The following MTFR2 variants were observed in gnomAD, a reference collection of about 807,000 sequenced individuals.
MTFR2 encodes the protein mitochondrial fission regulator 2, also known as DUF729 domain-containing protein 1.
Under a neutral mutation model 41.2 loss-of-function variants are expected in MTFR2, and 44 were observed. That is an observed-to-expected ratio of 1.07 (90% CI 0.84 to 1.37). MTFR2 has a LOEUF of 1.37. MTFR2 is among the 40% of genes most tolerant of loss of function. The pLI is 0.00. For synonymous variants in MTFR2, 141 were observed against 154.6 expected, an observed-to-expected ratio of 0.91 and a Z score of 0.65; for missense variants, 452 against 459.5, an observed-to-expected ratio of 0.98 and a Z score of 0.15.
intron 6 of MTFR2, among the ~76,000 whole-genome samples, chr6:136,233,767 T>C (rs1176912468): frequency 6.6e-6 from 1 of 152,128 alleles, no homozygotes; most frequent in Non-Finnish European, 1.5e-5. Flanking sequence ...ATGCTGAAGA[T>C]CTTTATTATG....
At chr6:136,244,931 G>C in intron 2 of MTFR2, 62 bp from the exon 3 acceptor site, 1 of 1,220,328 alleles carries the variant, frequency 8.2e-7, no homozygotes, top group Non-Finnish European at 1.1e-6. Flanking sequence ...ATATAAGTAT[G>C]AAAAAAGGAG....
chr6:136,249,758 C>T (rs1780315024), intron 1 of MTFR2, among the ~76,000 whole-genome samples: 1 of 152,160 alleles, frequency 6.6e-6, no homozygotes, highest in Non-Finnish European at 1.5e-5. Flanking sequence ...TGTGACTTTG[C>T]TACTCATTTG....
In MTFR2 at chr6:136,239,554, GATGACTATAATTGGTCTT is replaced by G; in HGVS notation, c.763_780del (p.Lys255_His260del). On this transcript the variant is annotated inframe_deletion, in exon 6 of 8. Transcript: ENST00000420702. ...TCTTTATTTCTCTGGCTTTTTGAAT[GATGACTATAATTGGTCTT>G]ATTAGCAGCCGGGTTCTGTTTGCTC... The G allele has an allele frequency of 1.2e-6, 2 of 1,614,060 alleles. No individual in the cohort carries two copies. Among genetic ancestry groups the G allele is most frequent in the Non-Finnish European group, 1.7e-6 (2 of 1,179,998 alleles).
Position 136,239,813 on chromosome 6 carries a change from A to C in MTFR2, c.522T>G (p.Phe174Leu). 1 of 1,601,348 alleles carries C rather than the reference A, an allele frequency of 6.2e-7. No homozygotes were observed. Among genetic ancestry groups the C allele is most frequent in the Non-Finnish European group, 8.5e-7 (1 of 1,172,752 alleles). Residue 174 changes from phenylalanine to leucine, a missense_variant, in exon 6 of 8, where the codon TTT becomes TTG. Phe to Leu is a conservative substitution (Grantham distance 22). Coordinates refer to ENST00000420702, the MANE Select transcript of MTFR2 (RefSeq NM_001099286.3). The stretch of plus-strand genomic sequence containing the variant: ...AACTAATGCGCTCGTCACTCAAGCC[A>C]AAGGAACCTACAAACAAAGTGGTTT... ...ELKNSTNSSS[F>L]GLSDERISLG...
At position 136,241,354 on chromosome 6, in the gene MTFR2, T is replaced by C. The variant is rs189583174; in HGVS notation, c.514+90A>G. The C allele has an allele frequency of 4.9e-5, 48 of 970,068 alleles. No individual in the cohort carries two copies. The East Asian group carries it at 1.1e-3, about 23-fold the overall frequency. 60.1% of individuals were successfully genotyped at this position (970,068 alleles called of 1,614,324 possible). On this transcript the variant is annotated intron_variant, in intron 5 of 7. Transcript: ENST00000420702. ...TGTTCCTGTATGCTACTATACGTAC[T>C]ATATTCAGTACAGTATCATGCTGTA...
At chr6:136,245,651 T>A (rs1329571542) in intron 2 of MTFR2, among the ~76,000 whole-genome samples, 1 of 152,132 alleles carries the variant, frequency 6.6e-6, no homozygotes, top group Non-Finnish European at 1.5e-5. Flanking sequence ...CAGCAACAAC[T>A]AACAACAGCA....
chr6:136,238,406 G>A (rs1779961235), intron 6 of MTFR2, among the ~76,000 whole-genome samples: 1 of 151,926 alleles, frequency 6.6e-6, no homozygotes, highest in African/African-American at 2.4e-5. Context: ...CCGAGTTCAA[G>A]ACCAGCCTGG....
chr6:136,241,730 A>G (rs1780079209), intron 4 of MTFR2, 54 bp from the exon 5 acceptor site: 2 of 1,349,384 alleles, frequency 1.5e-6, no homozygotes, highest in African/African-American at 1.5e-5. Context: ...CAATCAAAAG[A>G]GGTATAAACT....
intron 4 of MTFR2, among the ~76,000 whole-genome samples, 183 bp downstream of exon 4, chr6:136,242,677 TA>T (rs894957325): frequency 1.2e-4 from 17 of 146,076 alleles, no homozygotes; most frequent in Non-Finnish European, 1.4e-4. Context: ...AAATGTGCAC[TA>T]AAAAAAAAAC....
intron 5 of MTFR2, among the ~76,000 whole-genome samples, chr6:136,240,445 GTATT>G (rs1780025663): frequency 6.6e-6 from 1 of 151,594 alleles, no homozygotes; most frequent in African/African-American, 2.4e-5. Context: ...AATTATATGT[GTATT>G]TATGCATTTG....
intron 6 of MTFR2, among the ~76,000 whole-genome samples, chr6:136,237,871 AC>A (rs994811305): frequency 7.2e-5 from 11 of 152,026 alleles, no homozygotes; most frequent in African/African-American, 2.7e-4. Flanking sequence ...AAACTAATCT[AC>A]CCTTTATGTT....
rs1254415835 is a variant in MTFR2 at position 136,233,487 on chromosome 6, A to ACCGC, written c.878_881dup (p.Pro296Ter). 1 of 1,500,384 alleles carries ACCGC rather than the reference A, an allele frequency of 6.7e-7. No homozygotes were observed. The highest frequency in any genetic ancestry group is 8.9e-7 in the Non-Finnish European group (1 of 1,117,972). The allele number at this position is 1,500,384 out of a possible 1,614,324, so 92.9% of individuals were successfully genotyped here. A position where few individuals can be genotyped will look rare whatever the true frequency, so the allele number is the denominator to read the frequency against. ...GTCTTTTCCTCTTATGAATGGGTCT[A>ACCGC]CCGCCAGGTGACCTATTTTTTAAAA... is the stretch of plus-strand genomic sequence containing the variant. On this transcript the variant is annotated frameshift_variant, in exon 7 of 8. Transcript: ENST00000420702. LOFTEE classifies it high-confidence loss of function.
chr6:136,249,131 G>A lies in MTFR2; in HGVS notation c.-32C>T. On this transcript the variant is annotated 5_prime_UTR_variant, in exon 2 of 8. Transcript: ENST00000420702. ...AGCAAATACAGAAGCCAATTCAAAGGAACATTATCAGTTTCTTGGTGCCTT... is the reference window on the plus strand; with the variant it reads ...AGCAAATACAGAAGCCAATTCAAAGAAACATTATCAGTTTCTTGGTGCCTT... 6.5e-7 allele frequency: 1 copy of A among 1,536,732 alleles called. No homozygotes were observed. The highest frequency in any genetic ancestry group is 1.2e-5 in the South Asian group (1 of 80,798).
intron 3 of MTFR2, 122 bp downstream of exon 3, chr6:136,244,643 T>G (rs192921741): frequency 1.2e-5 from 8 of 668,786 alleles, no homozygotes; most frequent in East Asian, 6.1e-5. Flanking sequence ...TTCCCAAGGG[T>G]AAACTACAGG....
At chr6:136,244,704 G>T in intron 3 of MTFR2, 61 bp downstream of exon 3, 1 of 1,171,688 alleles carries the variant, frequency 8.5e-7, no homozygotes, top group Non-Finnish European at 1.3e-6. Context: ...CCCCATACCT[G>T]TAAGAGTACC....
At chr6:136,233,168 T>C (rs1334930458) in intron 7 of MTFR2, 157 bp downstream of exon 7, 3 of 531,588 alleles carry the variant, frequency 5.6e-6, no homozygotes, top group South Asian at 4.0e-5. Flanking sequence ...CATATAAAAT[T>C]AACAACAAAA....
At position 136,233,483 on chromosome 6, in the gene MTFR2, G is replaced by C. The variant is rs1022503411; in HGVS notation, c.886C>G (p.Pro296Ala). The part of the protein sequence containing the change: ...RAIERSPGGR[P>A]IHKRKRQNSH... ...TTCTGTCTTTTCCTCTTATGAATGGGTCTACCGCCAGGTGACCTATTTTTT... is the reference window on the plus strand; with the variant it reads ...TTCTGTCTTTTCCTCTTATGAATGGCTCTACCGCCAGGTGACCTATTTTTT... The change falls in exon 7 of 8, where the codon CCC becomes GCC. Residue 296 changes from proline to alanine, a missense_variant. By Grantham distance (27) the Pro-to-Ala change is conservative. Coordinates refer to ENST00000420702, the MANE Select transcript of MTFR2 (RefSeq NM_001099286.3). 1.2e-5 allele frequency: 19 copies of C among 1,524,448 alleles called. No individual in the cohort carries two copies. Among genetic ancestry groups the C allele is most frequent in the Non-Finnish European group, 1.7e-5 (19 of 1,127,792 alleles). The allele number at this position is 1,524,448 out of a possible 1,614,324, so 94.4% of individuals were successfully genotyped here.
At chr6:136,237,212 C>T (rs539231445) in intron 6 of MTFR2, among the ~76,000 whole-genome samples, 1 of 152,262 alleles carries the variant, frequency 6.6e-6, no homozygotes, top group Admixed American at 6.5e-5. Flanking sequence ...ACAAAATGGT[C>T]CTCTCCCTAA....
Position 136,239,516 on chromosome 6 carries a change from C to G in MTFR2, c.819G>C (p.Met273Ile). 6.2e-7 allele frequency: 1 copy of G among 1,614,112 alleles called. No individual in the cohort carries two copies. Among genetic ancestry groups the G allele is most frequent in the Non-Finnish European group, 8.5e-7 (1 of 1,179,990 alleles). ...KSQRNKDIPN[M>I]LDVLKDMNKV... The stretch of plus-strand genomic sequence containing the variant: ...TATTCATATCCTTTAGAACGTCCAA[C>G]ATGTTTGGAATATCTTTATTTCTCT... Residue 273 changes from methionine (M) to isoleucine (I), a missense_variant, in exon 6 of 8, where the codon ATG becomes ATC. By Grantham distance (10) the Met-to-Ile change is conservative. Transcript: ENST00000420702.
Sources: gnomAD v4.1 joint callset for allele counts (sites outside exome capture counted in the v4.1 genomes callset) on GRCh38, gnomAD v4.1.1 for gene constraint, MANE v1.5 for transcripts, NCBI Gene and HGNC (gene_info 2026-07-23, HGNC 2026-07-21) for gene names.